SPRYD4: variants seen among roughly 807,000 people sequenced by gnomAD.
SPRYD4 encodes the protein SPRY domain-containing protein 4.
Under a neutral mutation model 16.6 loss-of-function variants are expected in SPRYD4, and 12 were observed. That is an observed-to-expected ratio of 0.72 (90% CI 0.46 to 1.17). The LOEUF is 1.17. Ranked by LOEUF, SPRYD4 falls within the 50% of genes most tolerant of loss-of-function variation. The probability of loss-of-function intolerance (pLI) is 0.00; values close to 1 mark genes in which losing one functional copy is unlikely to be tolerated. For synonymous variants in SPRYD4, 98 were observed against 105.4 expected, an observed-to-expected ratio of 0.93 and a Z score of 0.43; for missense variants, 260 against 260.2, an observed-to-expected ratio of 1.00 and a Z score of 0.00.
Position 56,474,477 on chromosome 12 carries a change from G to T in SPRYD4, c.*4900G>T. ...GAACAAGCTTCCACCTCTATCTTGAGAGAGTCAGTGTTCTCTCTTCTTAGC... is the reference window on the plus strand; with the variant it reads ...GAACAAGCTTCCACCTCTATCTTGATAGAGTCAGTGTTCTCTCTTCTTAGC... On this transcript the variant is annotated 3_prime_UTR_variant, in exon 2 of 2. Coordinates refer to ENST00000338146, the MANE Select transcript of SPRYD4 (RefSeq NM_207344.4). 1 of 1,588,238 alleles carries T rather than the reference G, an allele frequency of 6.3e-7. No homozygotes were observed. The highest frequency in any genetic ancestry group is 8.6e-7 in the Non-Finnish European group (1 of 1,165,744).
Position 56,474,430 on chromosome 12 carries a change from G to A in SPRYD4, c.*4853G>A. On this transcript the variant is annotated 3_prime_UTR_variant, in exon 2 of 2. Transcript: ENST00000338146. ...GAGTCTCAACCTAATTGCCTTCCTG[G>A]AAGTTAGTGAATGAGAGGCAGGAAC... 7 of 1,328,672 alleles carry A rather than the reference G, an allele frequency of 5.3e-6. No individual in the cohort carries two copies. The highest frequency in any genetic ancestry group is 7.3e-6 in the Non-Finnish European group (7 of 964,796). The allele number at this position is 1,328,672 out of a possible 1,614,324, so 82.3% of individuals were successfully genotyped here.
rs150623447 is a variant in SPRYD4, at chr12:56,474,366, T to G, written c.*4789T>G. 1.4e-6 allele frequency: 1 copy of G among 723,388 alleles called. No individual in the cohort carries two copies. The highest frequency in any genetic ancestry group is 2.2e-6 in the Non-Finnish European group (1 of 446,622). 44.8% of individuals were successfully genotyped at this position (723,388 alleles called of 1,614,324 possible). ...GGCCTCCCAAAGACATCTCTTTATA[T>G]ATTCGAGGAACTTGGTGTTTTTGAG... On this transcript the variant is annotated 3_prime_UTR_variant, in exon 2 of 2. Coordinates refer to ENST00000338146, the MANE Select transcript of SPRYD4 (RefSeq NM_207344.4).
In SPRYD4 at chr12:56,474,937, C is replaced by T. The variant is rs1038197951; in HGVS notation, c.*5360C>T. 1.2e-6 allele frequency: 2 copies of T among 1,613,990 alleles called. No homozygotes were observed. The highest frequency in any genetic ancestry group is 3.3e-5 in the Admixed American group (2 of 60,036). On this transcript the variant is annotated 3_prime_UTR_variant, in exon 2 of 2. Coordinates refer to ENST00000338146, the MANE Select transcript of SPRYD4 (RefSeq NM_207344.4). ...GGGAGAGCATTTCTCTTCAGGACAT[C>T]AGCCCTTTCACACTGTCAGGGTCTC...
At position 56,478,372 on chromosome 12, in the gene SPRYD4, T is replaced by C. The variant is rs550709495; in HGVS notation, c.*8795T>C. On this transcript the variant is annotated 3_prime_UTR_variant, in exon 2 of 2. Coordinates refer to ENST00000338146, the MANE Select transcript of SPRYD4 (RefSeq NM_207344.4). ...ATAAAAGCTAAAATTCTGTCTTCTA[T>C]AGGGCAGAGGGGTTCCCTCCTGCCT... The C allele has an allele frequency of 3.4e-6, 4 of 1,167,714 alleles. No individual in the cohort carries two copies. The highest frequency in any genetic ancestry group is 2.0e-5 in the Admixed American group (1 of 49,236). The allele number at this position is 1,167,714 out of a possible 1,614,324, so 72.3% of individuals were successfully genotyped here.
In SPRYD4 at chr12:56,469,824, A is replaced by G; in HGVS notation, c.*247A>G. 1 of 528,454 alleles carries G rather than the reference A, an allele frequency of 1.9e-6. No individual in the cohort carries two copies. The highest frequency in any genetic ancestry group is 3.1e-5 in the East Asian group (1 of 31,910). The allele number at this position is 528,454 out of a possible 1,614,324, so 32.7% of individuals were successfully genotyped here. ...GGCTACCATGGGTGTATCTTCCTTG[A>G]CCTGCTTCCTTCAGTCCCTCTGCCT... On this transcript the variant is annotated 3_prime_UTR_variant, in exon 2 of 2. Transcript: ENST00000338146.
At position 56,478,108 on chromosome 12, in the gene SPRYD4, CAG is replaced by C; in HGVS notation, c.*8533_*8534del. The stretch of plus-strand genomic sequence containing the variant: ...GGCCCACAGAGTGCCTGGAGGCAGA[CAG>C]ATGCCATGAAAGGGGTTGGCCTGTG... On this transcript the variant is annotated 3_prime_UTR_variant, in exon 2 of 2. Transcript: ENST00000338146. The C allele has an allele frequency of 6.2e-7, 1 of 1,613,962 alleles. No individual in the cohort carries two copies. The highest frequency in any genetic ancestry group is 2.2e-5 in the East Asian group (1 of 44,880).
In SPRYD4 at chr12:56,472,678, CA is replaced by C. The variant is rs1565700959; in HGVS notation, c.*3102del. Reference sequence around the variant, plus strand: ...GTATTTTATTGTGTATATTTGGTCACAGTAGCATTACCTTCGAAGAGCTGAG... The same window carrying C: ...GTATTTTATTGTGTATATTTGGTCACGTAGCATTACCTTCGAAGAGCTGAG... On this transcript the variant is annotated 3_prime_UTR_variant, in exon 2 of 2. Transcript: ENST00000338146. The C allele has an allele frequency of 6.2e-7, 1 of 1,612,448 alleles. No homozygotes were observed. Among genetic ancestry groups the C allele is most frequent in the East Asian group, 2.2e-5 (1 of 44,854 alleles).
rs1289633657 is a variant in SPRYD4, at chr12:56,478,528, G to T, written c.*8951G>T. On this transcript the variant is annotated 3_prime_UTR_variant, in exon 2 of 2. Transcript: ENST00000338146. Reference sequence around the variant, plus strand: ...AATTCTGAGGCAACCTTCCCCTTTTGGTTCTTAGGCTCAGTTACCCTATAA... The same window carrying T: ...AATTCTGAGGCAACCTTCCCCTTTTTGTTCTTAGGCTCAGTTACCCTATAA... The T allele has an allele frequency of 3.5e-5, 16 of 460,032 alleles. No individual in the cohort carries two copies. The highest frequency in any genetic ancestry group is 2.4e-5 in the Non-Finnish European group (6 of 252,838). 28.5% of individuals were successfully genotyped at this position (460,032 alleles called of 1,614,324 possible).
At position 56,472,557 on chromosome 12, in the gene SPRYD4, A is replaced by C. The variant is rs1000318992; in HGVS notation, c.*2980A>C. 8 of 790,742 alleles carry C rather than the reference A, an allele frequency of 1.0e-5. No homozygotes were observed. Among genetic ancestry groups the C allele is most frequent in the Non-Finnish European group, 1.6e-5 (8 of 491,618 alleles). The allele number at this position is 790,742 out of a possible 1,614,324, so 49.0% of individuals were successfully genotyped here. A position where few individuals can be genotyped will look rare whatever the true frequency, so the allele number is the denominator to read the frequency against. On this transcript the variant is annotated 3_prime_UTR_variant, in exon 2 of 2. Coordinates refer to ENST00000338146, the MANE Select transcript of SPRYD4 (RefSeq NM_207344.4). ...AAAAAAAATCTCCTTTTTTAAAAAAATTTCATTTAAATGCAATCTATATCC... is the reference window on the plus strand; with the variant it reads ...AAAAAAAATCTCCTTTTTTAAAAAACTTTCATTTAAATGCAATCTATATCC...
Position 56,472,302 on chromosome 12 carries a change from G to T in SPRYD4, c.*2725G>T. On this transcript the variant is annotated 3_prime_UTR_variant, in exon 2 of 2. Transcript: ENST00000338146. Reference sequence around the variant, plus strand: ...GATGAGTTTCAGAGAAAGTGAAACAGCCTATAGCCAGATTTGTTGGCTCTG... The same window carrying T: ...GATGAGTTTCAGAGAAAGTGAAACATCCTATAGCCAGATTTGTTGGCTCTG... 1.0e-6 allele frequency: 1 copy of T among 963,144 alleles called. No homozygotes were observed. Among genetic ancestry groups the T allele is most frequent in the Non-Finnish European group, 1.6e-6 (1 of 607,008 alleles). The allele number at this position is 963,144 out of a possible 1,614,324, so 59.7% of individuals were successfully genotyped here. A position where few individuals can be genotyped will look rare whatever the true frequency, so the allele number is the denominator to read the frequency against.
Position 56,469,653 on chromosome 12 carries a change from G to A in SPRYD4, c.*76G>A. Reference sequence around the variant, plus strand: ...AAAGTGTCCGAAGCCTTTTTACTTTGCCTCAAGCAACCTCTAGCTCCCACA... The same window carrying A: ...AAAGTGTCCGAAGCCTTTTTACTTTACCTCAAGCAACCTCTAGCTCCCACA... On this transcript the variant is annotated 3_prime_UTR_variant, in exon 2 of 2. Coordinates refer to ENST00000338146, the MANE Select transcript of SPRYD4 (RefSeq NM_207344.4). 1.4e-6 allele frequency: 2 copies of A among 1,427,776 alleles called. No homozygotes were observed. The highest frequency in any genetic ancestry group is 1.9e-6 in the Non-Finnish European group (2 of 1,070,714). The allele number at this position is 1,427,776 out of a possible 1,614,324, so 88.4% of individuals were successfully genotyped here. A position where few individuals can be genotyped will look rare whatever the true frequency, so the allele number is the denominator to read the frequency against.
chr12:56,475,513 C>T lies in SPRYD4; in HGVS notation c.*5936C>T, dbSNP rs1209656692. 5.2e-6 allele frequency: 6 copies of T among 1,152,096 alleles called. No individual in the cohort carries two copies. Among genetic ancestry groups the T allele is most frequent in the Non-Finnish European group, 7.5e-6 (6 of 794,942 alleles). 71.4% of individuals were successfully genotyped at this position (1,152,096 alleles called of 1,614,324 possible). A position where few individuals can be genotyped will look rare whatever the true frequency, so the allele number is the denominator to read the frequency against. ...AGGAAGCTGGAGGGCCAAAGTTCCC[C>T]TGGGATTTCTTCCTCCTAAGATTCT... On this transcript the variant is annotated 3_prime_UTR_variant, in exon 2 of 2. Transcript: ENST00000338146.
chr12:56,469,015 C>A, intron 1 of SPRYD4, 24 bp from the exon 2 acceptor site: 6 of 1,536,820 alleles, frequency 3.9e-6, no homozygotes, highest in Non-Finnish European at 5.3e-6. Flanking sequence ...CTGTTATTAT[C>A]CCGTCTTTTT....
chr12:56,469,367 G>C lies in SPRYD4; in HGVS notation c.414G>C (p.Glu138Asp), dbSNP rs754139613. 5 of 1,614,084 alleles carry C rather than the reference G, an allele frequency of 3.1e-6. No individual in the cohort carries two copies. The highest frequency in any genetic ancestry group is 3.4e-6 in the Non-Finnish European group (4 of 1,180,056). ...AGTGGTACACCATGTTGGCCAACGA[G>C]AAAGCCCCAGTTGAGGGTATTGGGC... ...QRKWYTMLAN[E>D]KAPVEGIGQP... The change falls in exon 2 of 2, where the codon GAG becomes GAC. Residue 138 changes from glutamate to aspartate, a missense_variant. Physicochemically the swap from Glu to Asp is conservative, Grantham distance 45. Transcript: ENST00000338146.
In SPRYD4 at chr12:56,479,131, A is replaced by G. The variant is rs1870081140; in HGVS notation, c.*9554A>G. 6.2e-7 allele frequency: 1 copy of G among 1,614,114 alleles called. No homozygotes were observed. The highest frequency in any genetic ancestry group is 1.3e-5 in the African/African-American group (1 of 75,026). On this transcript the variant is annotated 3_prime_UTR_variant, in exon 2 of 2. Coordinates refer to ENST00000338146, the MANE Select transcript of SPRYD4 (RefSeq NM_207344.4). ...GAACTCCTCAAAATCAGGAATGACAAACTTCTTTCGGAATGCCTGGGTCAG... is the reference window on the plus strand; with the variant it reads ...GAACTCCTCAAAATCAGGAATGACAGACTTCTTTCGGAATGCCTGGGTCAG...
rs1869219162 is a variant in SPRYD4, at chr12:56,471,060, A to G, written c.*1483A>G. Reference sequence around the variant, plus strand: ...CTGGCCAAGGGGAGTAGATTTCTCCAGACTACTAAAGCCATGTATATAGCC... The same window carrying G: ...CTGGCCAAGGGGAGTAGATTTCTCCGGACTACTAAAGCCATGTATATAGCC... On this transcript the variant is annotated 3_prime_UTR_variant, in exon 2 of 2. Transcript: ENST00000338146. 1 of 297,232 alleles carries G rather than the reference A, an allele frequency of 3.4e-6. No homozygotes were observed. The highest frequency in any genetic ancestry group is 5.6e-5 in the East Asian group (1 of 18,004). 18.4% of individuals were successfully genotyped at this position (297,232 alleles called of 1,614,324 possible).
chr12:56,477,031 CAT>C lies in SPRYD4; in HGVS notation c.*7455_*7456del, dbSNP rs1031505526. 6.6e-6 allele frequency: 1 copy of C among 152,246 alleles called. No homozygotes were observed. The highest frequency in any genetic ancestry group is 1.5e-5 in the Non-Finnish European group (1 of 68,072). 9.4% of individuals were successfully genotyped at this position (152,246 alleles called of 1,614,324 possible). A position where few individuals can be genotyped will look rare whatever the true frequency, so the allele number is the denominator to read the frequency against. On this transcript the variant is annotated 3_prime_UTR_variant, in exon 2 of 2. Coordinates refer to ENST00000338146, the MANE Select transcript of SPRYD4 (RefSeq NM_207344.4). ...TCCTCACCCAGACTCATTGCTTACT[CAT>C]GTGTCAACTACAGAGTCAATACCAC...
At position 56,473,637 on chromosome 12, in the gene SPRYD4, C is replaced by A; in HGVS notation, c.*4060C>A. On this transcript the variant is annotated 3_prime_UTR_variant, in exon 2 of 2. Coordinates refer to ENST00000338146, the MANE Select transcript of SPRYD4 (RefSeq NM_207344.4). The stretch of plus-strand genomic sequence containing the variant: ...AGCTGAGGATAAAGTGGGTGTGCCC[C>A]AAATCAGAAAATAAACAAGTTAGGC... The A allele has an allele frequency of 6.4e-7, 1 of 1,572,170 alleles. No homozygotes were observed. Among genetic ancestry groups the A allele is most frequent in the South Asian group, 1.2e-5 (1 of 85,750 alleles).
Position 56,469,104 on chromosome 12 carries a change from G to C in SPRYD4, c.151G>C (p.Gly51Arg), listed in dbSNP as rs1277601324. The C allele has an allele frequency of 6.2e-7, 1 of 1,613,062 alleles. No homozygotes were observed. ...CCTGGCACTCTTCAGAGATGATACG[G>C]GTGTCAAATATGGCTTGGTGGGATT... ...SSLALFRDDT[G>R]VKYGLVGLEP... The change falls in exon 2 of 2, where the codon GGT (glycine) becomes CGT (arginine). Residue 51 changes from glycine (G) to arginine (R), a missense_variant. Transcript: ENST00000338146.
Sources: allele counts gnomAD v4.1 joint callset, GRCh38; gene constraint gnomAD v4.1.1; transcripts MANE v1.5; gene names NCBI Gene and HGNC (gene_info 2026-07-23, HGNC 2026-07-21).